The following PPP2R2C variants were observed in gnomAD, a reference collection of about 807,000 sequenced individuals.
PPP2R2C encodes protein phosphatase 2, regulatory subunit B, gamma.
PPP2R2C carries 10 observed loss-of-function variants against 45.3 expected under a neutral mutation model. The ratio of observed to expected loss-of-function variants is 0.22; its 90% CI spans 0.14 to 0.37. The LOEUF is 0.37. Ranked by LOEUF, PPP2R2C falls within the 10% of genes least tolerant of loss-of-function variation. The pLI is 1.00. For missense variants in PPP2R2C, 308 were observed against 619.7 expected (o/e 0.50, Z 5.34); for synonymous variants, 257 against 245.4 (o/e 1.05, Z -0.44).
At chr4:6,528,967 T>C (rs1724307023) in intron 2 of PPP2R2C, among the ~76,000 whole-genome samples, 1 of 152,244 alleles carries the variant, frequency 6.6e-6, no homozygotes, top group African/African-American at 2.4e-5. Flanking sequence ...AAAGCTTTGT[T>C]GCTCACACAA....
intron 1 of PPP2R2C, among the ~76,000 whole-genome samples, chr4:6,394,972 T>C (rs1323714407): frequency 5.9e-5 from 9 of 152,252 alleles, no homozygotes; most frequent in South Asian, 2.1e-4. Context: ...GGGGTCACAG[T>C]TGGCAGAGCC....
chr4:6,501,773 C>T (rs1310544206), intron 2 of PPP2R2C, among the ~76,000 whole-genome samples: 2 of 152,196 alleles, frequency 1.3e-5, no homozygotes, highest in African/African-American at 4.8e-5. Context: ...TGCTGGCCCT[C>T]AGTCTGCTCT....
At chr4:6,376,191 A>G (rs1353171383) in intron 3 of PPP2R2C, among the ~76,000 whole-genome samples, 1 of 152,150 alleles carries the variant, frequency 6.6e-6, no homozygotes, top group African/African-American at 2.4e-5. Flanking sequence ...TCTCACTCTC[A>G]TACCCTACTG....
rs573414921 is a variant in PPP2R2C at position 6,414,120 on chromosome 4, G to A, written c.71-33026C>T. ...TGTGTGTGTGTGTGTGTGTGTGTGT[G>A]TGTACAGGTAAATAAACATTGAAAG... On this transcript the variant is annotated intron_variant, in intron 1 of 8. Coordinates refer to ENST00000382599, the MANE Select transcript of PPP2R2C (RefSeq NM_020416.4). 521 of 1,073,168 alleles carry A rather than the reference G, an allele frequency of 4.9e-4. 5 individuals are homozygous for A. In the African/African-American group the frequency reaches 8.0e-3, roughly 17 times the overall value. 66.5% of individuals were successfully genotyped at this position (1,073,168 alleles called of 1,614,324 possible). A position where few individuals can be genotyped will look rare whatever the true frequency, so the allele number is the denominator to read the frequency against.
intron 2 of PPP2R2C, among the ~76,000 whole-genome samples, chr4:6,526,117 C>A (rs1724190689): frequency 6.6e-6 from 1 of 152,242 alleles, no homozygotes; most frequent in African/African-American, 2.4e-5. Flanking sequence ...AGGGCCCTGA[C>A]TGTAATACTT....
chr4:6,355,398 T>G (rs1327774915), intron 5 of PPP2R2C, among the ~76,000 whole-genome samples: 2 of 151,922 alleles, frequency 1.3e-5, no homozygotes, highest in Non-Finnish European at 2.9e-5. Context: ...GGGATAGCAT[T>G]GGGAGATAGA....
chr4:6,376,646 G>T (rs935272320), intron 3 of PPP2R2C, among the ~76,000 whole-genome samples: 1 of 152,080 alleles, frequency 6.6e-6, no homozygotes, highest in Non-Finnish European at 1.5e-5. Flanking sequence ...TAGAGATAGA[G>T]TCTCACCACG....
Position 6,471,752 on chromosome 4 carries a change from T to G in PPP2R2C, c.70+408A>C. ...GGCAGCCTAGAAAATTCTGCGGGCT[T>G]TGGGCAGGGCTGAAATGGCAAATCC... is the stretch of plus-strand genomic sequence containing the variant. On this transcript the variant is annotated intron_variant, in intron 1 of 8. Coordinates refer to ENST00000382599, the MANE Select transcript of PPP2R2C (RefSeq NM_020416.4). This position sits in a 1 kb window ranked among gnomAD's most constrained non-coding sequence, Gnocchi z 5.6. 1 of 165,168 alleles carries G rather than the reference T, an allele frequency of 6.1e-6. No individual in the cohort carries two copies. The highest frequency in any genetic ancestry group is 1.3e-5 in the Non-Finnish European group (1 of 76,756). 10.2% of individuals were successfully genotyped at this position (165,168 alleles called of 1,614,324 possible). A position where few individuals can be genotyped will look rare whatever the true frequency, so the allele number is the denominator to read the frequency against.
rs151076483 is a variant in PPP2R2C, at chr4:6,546,352, A to G, written c.-58-10975T>C. On this transcript the variant is annotated intron_variant, in intron 1 of 9. Coordinates refer to the PPP2R2C transcript ENST00000506140. ...GTTGACACACAGCATGTGCTTTAAA[A>G]AAAGTATTAGTAGTGGTCATAGCAA... Among the ~76,000 whole-genome samples the G allele has an allele frequency of 1.3e-3, 204 of 152,336 alleles. 1 individual carries two copies. The highest frequency in any genetic ancestry group is 2.3e-3 in the Non-Finnish European group (157 of 68,034).
chr4:6,350,069 TAGAA>T (rs1338892441), intron 5 of PPP2R2C: 1 of 985,188 alleles, frequency 1.0e-6, no homozygotes, highest in Non-Finnish European at 1.2e-6. Context: ...CACATAAAAA[TAGAA>T]AGAGAGGGAA....
intron 2 of PPP2R2C, among the ~76,000 whole-genome samples, chr4:6,523,200 A>C: frequency 6.6e-6 from 1 of 152,200 alleles, no homozygotes; most frequent in African/African-American, 2.4e-5. Context: ...CATCCCAAGC[A>C]GCTGCTCCAG....
intron 2 of PPP2R2C, among the ~76,000 whole-genome samples, chr4:6,495,940 T>G (rs1722868543): frequency 6.6e-6 from 1 of 152,184 alleles, no homozygotes; most frequent in Non-Finnish European, 1.5e-5. Flanking sequence ...TCCAGAAGCT[T>G]CAGGGAGACT....
intron 2 of PPP2R2C, among the ~76,000 whole-genome samples, chr4:6,495,391 T>C (rs1722848762): frequency 6.6e-6 from 1 of 152,166 alleles, no homozygotes; most frequent in Non-Finnish European, 1.5e-5. Context: ...TCCCGGGCAC[T>C]CCCAGATCAC....
At chr4:6,466,888 A>T (rs1199259681) in intron 1 of PPP2R2C, among the ~76,000 whole-genome samples, 1 of 152,224 alleles carries the variant, frequency 6.6e-6, no homozygotes, top group Non-Finnish European at 1.5e-5. Flanking sequence ...AAAAGAAAGG[A>T]GCACATTGCT....
rs71599893 is a variant in PPP2R2C at position 6,427,491 on chromosome 4, A to G, written c.70+44669T>C. On this transcript the variant is annotated intron_variant, in intron 1 of 8. Transcript: ENST00000382599. ...CCCTTGGCTCCAGCAAGGCCAAAGG[A>G]TGGGCAAGCCCCTCACTGGGTCTCT... Among the ~76,000 whole-genome samples the G allele has an allele frequency of 7.9e-3, 1,208 of 152,282 alleles. 13 individuals carry two copies. The highest frequency in any genetic ancestry group is 0.041 in the Middle Eastern group (12 of 294).
At chr4:6,403,389 A>G (rs1336541830) in intron 1 of PPP2R2C, among the ~76,000 whole-genome samples, 1 of 152,070 alleles carries the variant, frequency 6.6e-6, no homozygotes, top group African/African-American at 2.4e-5. Context: ...AGGTGTTTTT[A>G]TTTGATTAGA....
intron 6 of PPP2R2C, among the ~76,000 whole-genome samples, chr4:6,337,108 G>GTATA (rs1245832072): frequency 9.0e-5 from 3 of 33,238 alleles, no homozygotes; most frequent in African/African-American, 1.5e-4. Context: ...CTGTATGTGT[G>GTATA]TGTGTATATA....
intron 4 of PPP2R2C, among the ~76,000 whole-genome samples, chr4:6,374,695 G>A (rs911154235): frequency 2.4e-4 from 36 of 152,320 alleles, no homozygotes; most frequent in Non-Finnish European, 2.1e-4. Flanking sequence ...GTGTGATGGC[G>A]ATTCCATGTC....
At chr4:6,401,617 T>C (rs1339286764) in intron 1 of PPP2R2C, among the ~76,000 whole-genome samples, 1 of 152,118 alleles carries the variant, frequency 6.6e-6, no homozygotes, top group Admixed American at 6.6e-5. Flanking sequence ...GATAGCCCTT[T>C]GAGCTCCACC....
Sources: allele counts gnomAD v4.1 joint callset (sites outside exome capture counted in the v4.1 genomes callset), GRCh38; gene constraint gnomAD v4.1.1; non-coding constraint Gnocchi (gnomAD v3.1); transcripts MANE v1.5; gene names NCBI Gene and HGNC (gene_info 2026-07-23, HGNC 2026-07-21).